DOCK1: variants seen among roughly 807,000 people sequenced by gnomAD.
The protein encoded by DOCK1 is dedicator of cytokinesis protein 1.
A neutral mutation model predicts 262.7 loss-of-function variants in DOCK1; 138 were observed. That is an observed-to-expected ratio of 0.53 (90% CI 0.46 to 0.61). The LOEUF is 0.61. Ranked by LOEUF, DOCK1 falls within the 20% of genes least tolerant of loss-of-function variation. DOCK1 has a pLI of 0.00. For synonymous variants in DOCK1, 866 were observed against 867.4 expected, an observed-to-expected ratio of 1.00 and a Z score of 0.03; for missense variants, 1,908 against 2,370.7, an observed-to-expected ratio of 0.80 and a Z score of 4.05.
intron 27 of DOCK1, among the ~76,000 whole-genome samples, chr10:127,225,796 T>C (rs1425282014): frequency 6.6e-6 from 1 of 152,172 alleles, no homozygotes; most frequent in Non-Finnish European, 1.5e-5. Flanking sequence ...AAGAAGTAGT[T>C]GGACGGGCAT....
At chr10:127,108,334 T>C (rs2048662180) in intron 24 of DOCK1, among the ~76,000 whole-genome samples, 1 of 152,132 alleles carries the variant, frequency 6.6e-6, no homozygotes, top group Non-Finnish European at 1.5e-5. Flanking sequence ...ACGCCTGTAA[T>C]CCCAGCACTT....
At chr10:126,950,403 T>G (rs1345004485) in intron 1 of DOCK1, among the ~76,000 whole-genome samples, 4 of 152,016 alleles carry the variant, frequency 2.6e-5, no homozygotes, top group African/African-American at 9.7e-5. Context: ...AGCCTAGCTG[T>G]GACATGTAAA....
At chr10:126,994,878 C>T (rs1408315084) in intron 6 of DOCK1, among the ~76,000 whole-genome samples, 1 of 152,120 alleles carries the variant, frequency 6.6e-6, no homozygotes, top group Admixed American at 6.5e-5. Context: ...GGGCTCCTCA[C>T]TTCCCAGACG....
chr10:127,432,648 G>A (rs866485149), intron 47 of DOCK1, among the ~76,000 whole-genome samples: 9 of 152,106 alleles, frequency 5.9e-5, no homozygotes, highest in Admixed American at 3.9e-4. Flanking sequence ...TCAAGAAGAA[G>A]ATGGAAAAGT....
At chr10:127,403,243 C>A in intron 39 of DOCK1, 99 bp downstream of exon 39, 1 of 1,214,164 alleles carries the variant, frequency 8.2e-7, no homozygotes, top group Non-Finnish European at 1.1e-6. Flanking sequence ...TCACCCCAGG[C>A]ACTCTGGGAC....
chr10:127,073,442 C>T (rs1046352916), intron 23 of DOCK1, among the ~76,000 whole-genome samples: 1 of 152,206 alleles, frequency 6.6e-6, no homozygotes, highest in Non-Finnish European at 1.5e-5. Flanking sequence ...AACCCAACTC[C>T]AATTCACATT....
At chr10:126,910,443 C>T (rs1434409692) in intron 1 of DOCK1, among the ~76,000 whole-genome samples, 1 of 152,228 alleles carries the variant, frequency 6.6e-6, no homozygotes, top group Non-Finnish European at 1.5e-5. Context: ...AGCAAGCGCA[C>T]ACTTGTACGC....
At chr10:126,912,101 C>T (rs187310846) in intron 1 of DOCK1, among the ~76,000 whole-genome samples, 251 of 152,248 alleles carry the variant, frequency 1.6e-3, no homozygotes, top group Non-Finnish European at 2.9e-3. Flanking sequence ...GGTCTTCCTT[C>T]GGTGTGTGTC....
At chr10:127,008,333 A>C (rs2135263595) in intron 10 of DOCK1, among the ~76,000 whole-genome samples, 1 of 152,274 alleles carries the variant, frequency 6.6e-6, no homozygotes, top group African/African-American at 2.4e-5. Flanking sequence ...CCTGGGCTCA[A>C]GCACTGTGCC....
intron 27 of DOCK1, among the ~76,000 whole-genome samples, chr10:127,217,109 G>C (rs1183172274): frequency 6.6e-6 from 1 of 152,168 alleles, no homozygotes; most frequent in Non-Finnish European, 1.5e-5. Context: ...GGCAGGAAAA[G>C]AATAGGAACA....
At chr10:127,188,206 G>A (rs572184433) in intron 27 of DOCK1, among the ~76,000 whole-genome samples, 3 of 152,260 alleles carry the variant, frequency 2.0e-5, no homozygotes, top group Admixed American at 1.3e-4. Context: ...GCTGGGCTGT[G>A]CTGTGCACAA....
intron 38 of DOCK1, among the ~76,000 whole-genome samples, chr10:127,395,966 C>T (rs1048137587): frequency 5.3e-5 from 8 of 152,218 alleles, no homozygotes; most frequent in Admixed American, 4.6e-4. Context: ...TTGAGCAAGG[C>T]AGCGAGGGTG....
intron 33 of DOCK1, among the ~76,000 whole-genome samples, chr10:127,368,378 C>T (rs1468889065): frequency 2.0e-5 from 3 of 152,194 alleles, no homozygotes; most frequent in Non-Finnish European, 4.4e-5. Flanking sequence ...TCATCCTCCC[C>T]TGCTGCTTCT....
rs774098566 is a variant in DOCK1, at chr10:127,440,560, C to T, written c.5259+1335C>T. Reference sequence around the variant, plus strand: ...GTCTGCTTGTCTCAGCCCTGGGCGTCGGCGGGCTGTGATTAGAGGGTTAGA... The same window carrying T: ...GTCTGCTTGTCTCAGCCCTGGGCGTTGGCGGGCTGTGATTAGAGGGTTAGA... On this transcript the variant is annotated intron_variant, in intron 49 of 51. Coordinates refer to ENST00000623213, the MANE Select transcript of DOCK1 (RefSeq NM_001290223.2). 4.6e-5 allele frequency among the ~76,000 whole-genome samples: 7 copies of T among 152,218 alleles called. No homozygotes were observed. In the South Asian group the frequency reaches 8.3e-4, roughly 18 times the overall value.
At chr10:127,171,252 G>A (rs568918678) in intron 27 of DOCK1, among the ~76,000 whole-genome samples, 56 of 152,332 alleles carry the variant, frequency 3.7e-4, no homozygotes, top group Non-Finnish European at 6.3e-4. Flanking sequence ...TACTGAGAGC[G>A]GTTGTAGCCA....
At chr10:127,424,873 G>C (rs545667506) in intron 46 of DOCK1, among the ~76,000 whole-genome samples, 2 of 152,302 alleles carry the variant, frequency 1.3e-5, no homozygotes, top group South Asian at 4.1e-4. Context: ...GGCTAGGAGG[G>C]CTATGAGCGA....
chr10:127,060,698 A>AT (rs2045474700), intron 22 of DOCK1, among the ~76,000 whole-genome samples: 1 of 151,882 alleles, frequency 6.6e-6, no homozygotes, highest in Admixed American at 6.5e-5. Context: ...TTAGTAACAT[A>AT]TATTAGCATA....
At chr10:126,997,299 G>A (rs1181719490) in intron 7 of DOCK1, among the ~76,000 whole-genome samples, 3 of 152,064 alleles carry the variant, frequency 2.0e-5, no homozygotes, top group African/African-American at 4.8e-5. Context: ...GCCTGTTCTC[G>A]CCTTACTATA....
chr10:127,125,627 TCCTGCCATTTGCCTGAA>T (rs770335837), intron 26 of DOCK1, 26 bp downstream of exon 26: 3 of 1,601,378 alleles, frequency 1.9e-6, no homozygotes, highest in African/African-American at 2.7e-5. Flanking sequence ...GTGCGTGACG[TCCTGCCATTTGCCTGAA>T]CCTGCCATTT....
Sources: allele counts gnomAD v4.1 joint callset (sites outside exome capture counted in the v4.1 genomes callset), GRCh38; gene constraint gnomAD v4.1.1; transcripts MANE v1.5; gene names NCBI Gene and HGNC (gene_info 2026-07-23, HGNC 2026-07-21).